CSMD1: variants seen among roughly 807,000 people sequenced by gnomAD.
The protein encoded by CSMD1 is CUB and sushi domain-containing protein 1.
CSMD1 carries 213 observed loss-of-function variants against 417.5 expected under a neutral mutation model. The ratio of observed to expected loss-of-function variants is 0.51; its 90% CI spans 0.46 to 0.57. CSMD1 has a LOEUF of 0.57. Among genes scored for constraint, CSMD1 ranks in the 20% least tolerant of loss-of-function variants. CSMD1 has a pLI of 0.00. For synonymous variants in CSMD1, 2,862 were observed against 1,736.8 expected (o/e 1.65, Z -16.11); for missense variants, 6,923 against 4,529.7 (o/e 1.53, Z -15.17).
intron 3 of CSMD1, among the ~76,000 whole-genome samples, chr8:4,395,107 G>A (rs1332847549): frequency 6.6e-6 from 1 of 152,110 alleles, no homozygotes; most frequent in Non-Finnish European, 1.5e-5. Flanking sequence ...ACCTCCGCTG[G>A]GAGACCCAGA....
At chr8:3,308,557 T>C in intron 23 of CSMD1, 54 bp from the exon 24 acceptor site, 1 of 1,443,130 alleles carries the variant, frequency 6.9e-7, no homozygotes, top group Non-Finnish European at 9.6e-7. Context: ...ACATCTGCCT[T>C]AAAACAGAGA....
chr8:3,668,122 G>A (rs868089994), intron 7 of CSMD1, among the ~76,000 whole-genome samples: 1 of 152,106 alleles, frequency 6.6e-6, no homozygotes, highest in African/African-American at 2.4e-5. Context: ...AGAGAGCGTT[G>A]AACACAATTT....
intron 21 of CSMD1, among the ~76,000 whole-genome samples, chr8:3,348,705 G>A (rs1231396293): frequency 1.6e-4 from 24 of 152,150 alleles, no homozygotes; most frequent in Admixed American, 1.6e-3. Context: ...TCTTATAATG[G>A]AAGAACATTC....
intron 5 of CSMD1, among the ~76,000 whole-genome samples, chr8:3,793,959 T>C (rs1799894043): frequency 6.6e-6 from 1 of 152,204 alleles, no homozygotes; most frequent in African/African-American, 2.4e-5. Context: ...AATGCTGCTA[T>C]GTGTAATAAA....
intron 42 of CSMD1, among the ~76,000 whole-genome samples, chr8:3,117,197 A>T (rs1376863868): frequency 1.3e-5 from 2 of 152,130 alleles, no homozygotes; most frequent in African/African-American, 4.8e-5. Flanking sequence ...CAGCCTCTGG[A>T]GTAGCTGGGA....
At chr8:4,014,693 C>G (rs1386816081) in intron 4 of CSMD1, among the ~76,000 whole-genome samples, 3 of 152,198 alleles carry the variant, frequency 2.0e-5, no homozygotes, top group African/African-American at 7.2e-5. Flanking sequence ...TGTGATGAGG[C>G]TGGAGCTAGA....
chr8:3,918,432 G>C (rs1461555346), intron 5 of CSMD1, among the ~76,000 whole-genome samples: 2 of 152,032 alleles, frequency 1.3e-5, no homozygotes, highest in South Asian at 2.1e-4. Flanking sequence ...ATTTGCGTTT[G>C]TCTGATAATT....
intron 4 of CSMD1, among the ~76,000 whole-genome samples, chr8:4,021,286 A>G (rs999930635): frequency 2.0e-5 from 3 of 152,202 alleles, no homozygotes; most frequent in African/African-American, 7.2e-5. Flanking sequence ...TAAAATTATA[A>G]TCCTTTGGAA....
intron 2 of CSMD1, among the ~76,000 whole-genome samples, chr8:4,463,227 A>C (rs1217666): frequency 0.84 from 127,608 of 152,018 alleles, 53,699 homozygotes; most frequent in South Asian, 0.91. Context: ...CAAATCAAAG[A>C]CGTACTGAGA....
Position 3,974,538 on chromosome 8 carries a change from G to A in CSMD1, c.818+23365C>T, listed in dbSNP as rs144684115. On this transcript the variant is annotated intron_variant, in intron 5 of 69. Coordinates refer to ENST00000635120, the MANE Select transcript of CSMD1 (RefSeq NM_033225.6). ...AATCTTTCATAGTAGTTGTTTAGTT[G>A]TCTCAAAATATTTAAATGTTTGCTT... Among the ~76,000 whole-genome samples, 628 of 151,978 alleles carry A rather than the reference G, an allele frequency of 4.1e-3. 7 individuals are homozygous for A. The highest frequency in any genetic ancestry group is 0.015 in the African/African-American group (603 of 41,510).
intron 41 of CSMD1, among the ~76,000 whole-genome samples, chr8:3,132,362 A>T (rs528092732): frequency 6.6e-6 from 1 of 152,170 alleles, no homozygotes; most frequent in African/African-American, 2.4e-5. Context: ...CCTTCAAAAA[A>T]ATTTGACTTA....
At chr8:3,578,256 G>C (rs1374122573) in intron 9 of CSMD1, among the ~76,000 whole-genome samples, 2 of 152,162 alleles carry the variant, frequency 1.3e-5, no homozygotes, top group Non-Finnish European at 2.9e-5. Flanking sequence ...GGGACAGGCT[G>C]AGAAAGAAGA....
intron 27 of CSMD1, among the ~76,000 whole-genome samples, chr8:3,227,677 A>T (rs899506594): frequency 1.3e-5 from 2 of 152,188 alleles, no homozygotes; most frequent in Non-Finnish European, 2.9e-5. Flanking sequence ...TAGAAAATAC[A>T]TAGTAACACA....
At chr8:4,350,208 C>A (rs1440079772) in intron 3 of CSMD1, among the ~76,000 whole-genome samples, 1 of 152,130 alleles carries the variant, frequency 6.6e-6, no homozygotes, top group South Asian at 2.1e-4. Flanking sequence ...TTGCAAGGCT[C>A]TGTCAAGCGT....
rs537989060 is a variant in CSMD1 at position 4,154,252 on chromosome 8, G to C, written c.416-122153C>G. Among the ~76,000 whole-genome samples the C allele has an allele frequency of 8.8e-4, 132 of 150,732 alleles. 2 individuals carry two copies. Among genetic ancestry groups the C allele is most frequent in the Non-Finnish European group, 1.6e-3 (109 of 67,492 alleles). On this transcript the variant is annotated intron_variant, in intron 3 of 69. Transcript: ENST00000635120. The stretch of plus-strand genomic sequence containing the variant: ...AAGCATACAATGAAATAAAGTTTCT[G>C]GCAAACAGTAATGCTAAAAAATAAA...
intron 26 of CSMD1, among the ~76,000 whole-genome samples, chr8:3,264,272 T>C (rs1437458362): frequency 6.6e-6 from 1 of 152,190 alleles, no homozygotes; most frequent in Non-Finnish European, 1.5e-5. Context: ...AAGTACCTGG[T>C]TTGGAATTTC....
intron 3 of CSMD1, among the ~76,000 whole-genome samples, chr8:4,147,431 C>G (rs1563185940): frequency 1.3e-5 from 2 of 152,124 alleles, no homozygotes; most frequent in Non-Finnish European, 2.9e-5. Context: ...GCTTTTCCAC[C>G]TACCTTCTGG....
chr8:4,185,547 A>T (rs897515086), intron 3 of CSMD1, among the ~76,000 whole-genome samples: 7 of 152,308 alleles, frequency 4.6e-5, no homozygotes, highest in African/African-American at 1.2e-4. Context: ...AACATGCGCT[A>T]ATTTTTTAAC....
chr8:3,286,490 T>A (rs1803168850), intron 25 of CSMD1, among the ~76,000 whole-genome samples: 1 of 152,114 alleles, frequency 6.6e-6, no homozygotes, highest in Non-Finnish European at 1.5e-5. Context: ...CAGCACCTGT[T>A]TTTTCCTGAC....
Sources: gnomAD v4.1 joint callset for allele counts (sites outside exome capture counted in the v4.1 genomes callset) on GRCh38, gnomAD v4.1.1 for gene constraint, MANE v1.5 for transcripts, NCBI Gene and HGNC (gene_info 2026-07-23, HGNC 2026-07-21) for gene names.